The following TAFA5 variants were observed in gnomAD, a reference collection of about 807,000 sequenced individuals.
The protein encoded by TAFA5 is chemokine-like protein TAFA-5.
In TAFA5, 6 loss-of-function variants were observed where a neutral mutation model predicts 15.3. That is an observed-to-expected ratio of 0.39 (90% CI 0.21 to 0.77). The LOEUF is 0.77. TAFA5 is among the 30% of genes least tolerant of loss of function. The pLI is 0.41. For synonymous variants in TAFA5, 103 were observed against 80.7 expected (o/e 1.28, Z -1.48); for missense variants, 161 against 193.1 (o/e 0.83, Z 0.98).
chr22:48,639,240 T>C (rs1205399342), intron 1 of TAFA5, among the ~76,000 whole-genome samples: 1 of 152,086 alleles, frequency 6.6e-6, no homozygotes, highest in Non-Finnish European at 1.5e-5. Flanking sequence ...GGCCCCACCT[T>C]CCCAGTGGCA....
At chr22:48,582,664 A>G (rs573985149) in intron 1 of TAFA5, among the ~76,000 whole-genome samples, 2 of 150,488 alleles carry the variant, frequency 1.3e-5, no homozygotes, top group Non-Finnish European at 3.0e-5. Flanking sequence ...CACCACACAC[A>G]AAATACACCA....
intron 1 of TAFA5, among the ~76,000 whole-genome samples, chr22:48,497,485 T>G (rs1018724481): frequency 3.3e-5 from 5 of 150,658 alleles, no homozygotes; most frequent in Non-Finnish European, 7.4e-5. Context: ...CAGTCTGGGT[T>G]TAGGCCTGGG....
chr22:48,716,320 G>A (rs2144458), intron 3 of TAFA5, among the ~76,000 whole-genome samples: 30,703 of 152,122 alleles, frequency 0.2, 3,314 homozygotes, highest in Middle Eastern at 0.28. Context: ...TATACACACC[G>A]TGGAATACTA....
chr22:48,640,966 G>A (rs375605247), intron 1 of TAFA5, among the ~76,000 whole-genome samples: 3 of 98,608 alleles, frequency 3.0e-5, no homozygotes, highest in African/African-American at 4.7e-5. Flanking sequence ...TGGGGGCACC[G>A]TGGCCCTTGT....
rs1927395376 is a variant in TAFA5, at chr22:48,660,403, TATTTC to T, written c.262+13662_262+13666del. Among the ~76,000 whole-genome samples, 3 of 152,234 alleles carry T rather than the reference TATTTC, an allele frequency of 2.0e-5. No homozygotes were observed. The South Asian group carries it at 6.2e-4, about 31-fold the overall frequency. ...ATGTTTGTGGTGTGAACATTTTCTTTATTTCATTTTTTTATGGGGCTGTGTTGCCA... is the reference window on the plus strand; with the variant it reads ...ATGTTTGTGGTGTGAACATTTTCTTTATTTTTTTATGGGGCTGTGTTGCCA... On this transcript the variant is annotated intron_variant, in intron 2 of 3. Coordinates refer to ENST00000402357, the MANE Select transcript of TAFA5 (RefSeq NM_001082967.3).
At chr22:48,585,419 ACAC>A (rs928438924) in intron 1 of TAFA5, among the ~76,000 whole-genome samples, 17 of 151,084 alleles carry the variant, frequency 1.1e-4, no homozygotes, top group African/African-American at 2.9e-4. Context: ...ACATACACAC[ACAC>A]AACACATCAC....
At chr22:48,538,701 C>T (rs949502939) in intron 1 of TAFA5, among the ~76,000 whole-genome samples, 7 of 152,194 alleles carry the variant, frequency 4.6e-5, no homozygotes, top group African/African-American at 1.2e-4. Context: ...ATGGTCTTGC[C>T]GTGGGAAATC....
At chr22:48,642,211 G>A (rs1569060693) in intron 1 of TAFA5, among the ~76,000 whole-genome samples, 1 of 152,214 alleles carries the variant, frequency 6.6e-6, no homozygotes, top group Non-Finnish European at 1.5e-5. Context: ...GCCAAGCCCT[G>A]TGGGGAGGCC....
rs1923416729 is a variant in TAFA5 at position 48,566,624 on chromosome 22, C to G, written c.112+76920C>G. Among the ~76,000 whole-genome samples, 1 of 152,206 alleles carries G rather than the reference C, an allele frequency of 6.6e-6. No homozygotes were observed. The highest frequency in any genetic ancestry group is 2.1e-4 in the South Asian group (1 of 4,834). On this transcript the variant is annotated intron_variant, in intron 1 of 3. Transcript: ENST00000402357. The surrounding 1 kb of genome is among the most constrained non-coding windows in gnomAD (Gnocchi z 4.5). ...TTAGCCCAACCTCTCCTTCTGCTGC[C>G]ATAGGCAGGTTGCTGAGCTGCCTCA...
intron 1 of TAFA5, among the ~76,000 whole-genome samples, chr22:48,618,034 T>C (rs1925674837): frequency 6.6e-6 from 1 of 152,238 alleles, no homozygotes; most frequent in Non-Finnish European, 1.5e-5. Context: ...CACTGGGATT[T>C]GAACCCAGTA....
At chr22:48,684,665 G>A (rs1319566038) in intron 2 of TAFA5, among the ~76,000 whole-genome samples, 1 of 152,180 alleles carries the variant, frequency 6.6e-6, no homozygotes, top group Non-Finnish European at 1.5e-5. Context: ...GATCTTTGAG[G>A]TTGTCAGCTG....
intron 2 of TAFA5, 102 bp from the exon 3 acceptor site, chr22:48,707,615 C>A: frequency 1.4e-6 from 2 of 1,439,182 alleles, no homozygotes; most frequent in Non-Finnish European, 1.9e-6. Context: ...CGGGCATTGC[C>A]TGAGGGCCCC....
Position 48,733,426 on chromosome 22 carries a change from T to G in TAFA5, c.391-16413T>G, listed in dbSNP as rs544097235. ...CCCTATGTCTTTTCAAATGGAACCC[T>G]CACAGGCAAGTTGCCCTATGTCTCT... On this transcript the variant is annotated intron_variant, in intron 3 of 3. Transcript: ENST00000402357. Among the ~76,000 whole-genome samples the G allele has an allele frequency of 2.6e-3, 394 of 152,296 alleles. 1 individual carries two copies. The highest frequency in any genetic ancestry group is 9.3e-3 in the African/African-American group (385 of 41,558).
chr22:48,517,978 CA>C (rs1257965352), intron 1 of TAFA5, among the ~76,000 whole-genome samples: 2 of 152,206 alleles, frequency 1.3e-5, no homozygotes, highest in African/African-American at 4.8e-5. Flanking sequence ...TAAGAAATAG[CA>C]GCAGGCTCCG....
chr22:48,648,396 GTGT>G (rs1569063364), intron 2 of TAFA5, among the ~76,000 whole-genome samples: 1 of 152,152 alleles, frequency 6.6e-6, no homozygotes, highest in Non-Finnish European at 1.5e-5. Context: ...AGCCTTGCCC[GTGT>G]GCTGTGATTG....
chr22:48,590,068 G>A (rs1363130019), intron 1 of TAFA5, among the ~76,000 whole-genome samples: 1 of 152,110 alleles, frequency 6.6e-6, no homozygotes, highest in Non-Finnish European at 1.5e-5. Flanking sequence ...TGGCGGATGG[G>A]GCCTGGGTCT....
At chr22:48,702,373 C>T (rs763538614) in intron 2 of TAFA5, among the ~76,000 whole-genome samples, 15 of 151,968 alleles carry the variant, frequency 9.9e-5, no homozygotes, top group East Asian at 1.9e-4. Context: ...GGCTTGAGAT[C>T]GGTGAGACTC....
At chr22:48,586,457 T>C (rs1302605561) in intron 1 of TAFA5, among the ~76,000 whole-genome samples, 2 of 152,058 alleles carry the variant, frequency 1.3e-5, no homozygotes, top group Admixed American at 6.5e-5. Flanking sequence ...AGGAAGGGAA[T>C]GATAAAAGGA....
rs555406062 is a variant in TAFA5 at position 48,506,734 on chromosome 22, C to T, written c.112+17030C>T. Reference sequence around the variant, plus strand: ...CTCAGGGCACACGGCAAATGGACCACGGCCTTTCCTTAGCAGTGACCTCTT... The same window carrying T: ...CTCAGGGCACACGGCAAATGGACCATGGCCTTTCCTTAGCAGTGACCTCTT... On this transcript the variant is annotated intron_variant, in intron 1 of 3. Coordinates refer to ENST00000402357, the MANE Select transcript of TAFA5 (RefSeq NM_001082967.3). 9.8e-5 allele frequency among the ~76,000 whole-genome samples: 15 copies of T among 152,316 alleles called. No individual in the cohort carries two copies. In the East Asian group the frequency reaches 1.5e-3, roughly 16 times the overall value.
Sources: allele counts gnomAD v4.1 joint callset (sites outside exome capture counted in the v4.1 genomes callset), GRCh38; gene constraint gnomAD v4.1.1; non-coding constraint Gnocchi (gnomAD v3.1); transcripts MANE v1.5; gene names NCBI Gene and HGNC (gene_info 2026-07-23, HGNC 2026-07-21).